The following RAET1G variants were observed in gnomAD, a reference collection of about 807,000 sequenced individuals.
RAET1G encodes UL-16 binding protein 5.
RAET1G carries 25 observed loss-of-function variants against 29.5 expected under a neutral mutation model. That is an observed-to-expected ratio of 0.85 (90% CI 0.62 to 1.18). The LOEUF (loss-of-function observed/expected upper bound fraction) is 1.18. Among genes scored for constraint, RAET1G ranks in the 50% most tolerant of loss-of-function variants. The pLI is 0.00. For synonymous variants in RAET1G, 167 were observed against 159.5 expected (o/e 1.05, Z -0.36); for missense variants, 434 against 423.6 (o/e 1.02, Z -0.22).
chr6:149,919,887 A>T, intron 1 of RAET1G, 71 bp from the exon 2 acceptor site: 4 of 1,611,672 alleles, frequency 2.5e-6, no homozygotes, highest in Non-Finnish European at 3.4e-6. Flanking sequence ...CCACACTGTG[A>T]CAATAAGAGG....
chr6:149,923,018 T>A lies in RAET1G; in HGVS notation c.-8A>T. On this transcript the variant is annotated 5_prime_UTR_variant, in exon 1 of 5. Transcript: ENST00000367360. ...GCTGGCGGCCGCTGCCATTGGGGAG[T>A]TGGATCGCAGGGGACAGCAGAAGCG... is the stretch of plus-strand genomic sequence containing the variant. 2 of 1,592,502 alleles carry A rather than the reference T, an allele frequency of 1.3e-6. No individual in the cohort carries two copies. The highest frequency in any genetic ancestry group is 1.7e-4 in the Middle Eastern group (1 of 6,006).
Position 149,918,392 on chromosome 6 carries a change from G to T in RAET1G, c.632-8C>A. On this transcript the variant is annotated splice_polypyrimidine_tract_variant and splice_region_variant and intron_variant, in intron 3 of 4. Coordinates refer to ENST00000367360, the MANE Select transcript of RAET1G (RefSeq NM_001001788.4). ...AGGACATGGTGGGTGGTGCTGAAAT[G>T]GAAGCACAAGAGTGACAACCCTTGT... 6.2e-7 allele frequency: 1 copy of T among 1,613,780 alleles called. No homozygotes were observed. Among genetic ancestry groups the T allele is most frequent in the South Asian group, 1.1e-5 (1 of 91,070 alleles).
At chr6:149,922,811 GC>G (rs1778624383) in intron 1 of RAET1G, 114 bp downstream of exon 1, 1 of 664,996 alleles carries the variant, frequency 1.5e-6, no homozygotes, top group South Asian at 2.1e-5. Flanking sequence ...GAGCGGGGGC[GC>G]AGTCCGGGGT....
intron 4 of RAET1G, among the ~76,000 whole-genome samples, chr6:149,917,578 A>G (rs955038602): frequency 6.6e-6 from 1 of 152,214 alleles, no homozygotes; most frequent in Non-Finnish European, 1.5e-5. Flanking sequence ...AAAGAGTAAC[A>G]CTACAGACTA....
chr6:149,918,107 T>C (rs564426443), intron 4 of RAET1G, 67 bp downstream of exon 4: 1 of 1,397,508 alleles, frequency 7.2e-7, no homozygotes, highest in Admixed American at 1.9e-5. Context: ...ACTCTGGGAA[T>C]TCTCCATCCC....
chr6:149,918,947 T>C (rs9383944), intron 3 of RAET1G, 96 bp downstream of exon 3: 254,896 of 1,567,724 alleles, frequency 0.16, 27,827 homozygotes, highest in East Asian at 0.55. Flanking sequence ...CATAAACGTG[T>C]ACACTGGGAT....
At chr6:149,922,490 T>C (rs1457165509) in intron 1 of RAET1G, among the ~76,000 whole-genome samples, 4 of 152,076 alleles carry the variant, frequency 2.6e-5, no homozygotes, top group Admixed American at 6.5e-5. Flanking sequence ...GTTTGTGTGG[T>C]TGAGAGCGGG....
rs1778478762 is a variant in RAET1G at position 149,917,683 on chromosome 6, T to C, written c.842+491A>G. The stretch of plus-strand genomic sequence containing the variant: ...ATTTTCTTTATTATACTGGAACAGC[T>C]TGTGCCTTCAGTCTCTTGCCTTGGC... On this transcript the variant is annotated intron_variant, in intron 4 of 4. Transcript: ENST00000367360. Among the ~76,000 whole-genome samples the C allele has an allele frequency of 2.6e-5, 4 of 152,256 alleles. No homozygotes were observed. The South Asian group carries it at 8.3e-4, about 31-fold the overall frequency.
chr6:149,921,574 G>A (rs1778601677), intron 1 of RAET1G, among the ~76,000 whole-genome samples: 1 of 152,192 alleles, frequency 6.6e-6, no homozygotes, highest in Non-Finnish European at 1.5e-5. Context: ...AGCTGCACAA[G>A]CAGTTGGCCC....
At chr6:149,919,923 C>T in intron 1 of RAET1G, 107 bp from the exon 2 acceptor site, 1 of 1,602,486 alleles carries the variant, frequency 6.2e-7, no homozygotes, top group Admixed American at 1.7e-5. Context: ...TGGGCTGGCC[C>T]AGCAAGGAGT....
rs890619860 is a variant in RAET1G, at chr6:149,918,293, T to C, written c.723A>G (p.Ile241Met). 9 of 1,613,520 alleles carry C rather than the reference T, an allele frequency of 5.6e-6. No homozygotes were observed. The highest frequency in any genetic ancestry group is 5.4e-5 in the African/African-American group (4 of 74,732). ...LCCLLIMCLL[I>M]CSRHSLTQSH... ...TTTGGGTCAGACTGTGCCTGGAGCA[T>C]ATGAGGAGACACATGATGAGGAGGC... Residue 241 changes from isoleucine to methionine, a missense_variant, in exon 4 of 5, where the codon ATA (isoleucine) becomes ATG (methionine). By Grantham distance (10) the Ile-to-Met change is conservative. Transcript: ENST00000367360.
rs1266127051 is a variant in RAET1G at position 149,916,957 on chromosome 6, G to A, written c.960C>T (p.Asn320=). The part of the protein sequence containing the change: ...PCPLALYTIN[N]GAARYSEPLQ... ...GTGGCTCCGAATACCTGGCTGCGCC[G>A]TTATTTATTGTATACAAGGCAAGAG... is the stretch of plus-strand genomic sequence containing the variant. Residue 320 remains asparagine, a synonymous_variant, in exon 5 of 5, where the codon AAC becomes AAT. Coordinates refer to ENST00000367360, the MANE Select transcript of RAET1G (RefSeq NM_001001788.4). 1.1e-5 allele frequency: 17 copies of A among 1,546,738 alleles called. No individual in the cohort carries two copies. The highest frequency in any genetic ancestry group is 7.2e-5 in the South Asian group (6 of 83,310).
At chr6:149,920,723 G>A (rs1437829196) in intron 1 of RAET1G, among the ~76,000 whole-genome samples, 1 of 152,142 alleles carries the variant, frequency 6.6e-6, no homozygotes, top group Admixed American at 6.5e-5. Flanking sequence ...TGCAATGATG[G>A]AAATGATTAG....
Position 149,917,050 on chromosome 6 carries a change from C to A in RAET1G, c.867G>T (p.Leu289Phe), listed in dbSNP as rs1778458520. 2 of 1,549,302 alleles carry A rather than the reference C, an allele frequency of 1.3e-6. No homozygotes were observed. The highest frequency in any genetic ancestry group is 3.9e-5 in the Admixed American group (2 of 50,688). Residue 289 changes from leucine (L) to phenylalanine (F), a missense_variant, in exon 5 of 5, where the codon TTG becomes TTT. Leu to Phe is a conservative substitution (Grantham distance 22). Coordinates refer to ENST00000367360, the MANE Select transcript of RAET1G (RefSeq NM_001001788.4). ...TCACGCGAGTCACGTGTCCACCAGA[C>A]AAGGGGCGCTTCGCTATTTGGTAGC... ...SDSYQIAKRP[L>F]SGGHVTRVTL... is the part of the protein sequence containing the mutation.
intron 4 of RAET1G, 66 bp from the exon 5 acceptor site, chr6:149,917,140 A>G: frequency 1.4e-6 from 2 of 1,455,596 alleles, no homozygotes; most frequent in Non-Finnish European, 1.8e-6. Flanking sequence ...GGACTTCAAT[A>G]CTTTCACTAA....
At position 149,916,926 on chromosome 6, in the gene RAET1G, C is replaced by A; in HGVS notation, c.991G>T (p.Val331Phe). 1 of 1,542,108 alleles carries A rather than the reference C, an allele frequency of 6.5e-7. No homozygotes were observed. The highest frequency in any genetic ancestry group is 8.8e-7 in the Non-Finnish European group (1 of 1,142,326). ...GAARYSEPLQ[V>F]SIS ...CCAGGGAACCATCAAGATATGGAGA[C>A]CTGTAGTGGCTCCGAATACCTGGCT... Residue 331 changes from valine (V) to phenylalanine (F), a missense_variant, in exon 5 of 5, where the codon GTC (valine) becomes TTC (phenylalanine). Physicochemically the swap from Val to Phe is conservative, Grantham distance 50. Coordinates refer to ENST00000367360, the MANE Select transcript of RAET1G (RefSeq NM_001001788.4).
intron 1 of RAET1G, 152 bp downstream of exon 1, chr6:149,922,774 G>T: frequency 1.7e-6 from 1 of 572,580 alleles, no homozygotes; most frequent in Non-Finnish European, 3.0e-6. Context: ...GAACGGACCC[G>T]GCGGGAAGGA....
chr6:149,919,899 AGCCTCTG>A, intron 1 of RAET1G, 83 bp from the exon 2 acceptor site: 1 of 1,610,568 alleles, frequency 6.2e-7, no homozygotes, highest in Non-Finnish European at 8.5e-7. Context: ...AATAAGAGGA[AGCCTCTG>A]GAGGGCTGGG....
At chr6:149,920,440 C>T (rs1345468813) in intron 1 of RAET1G, among the ~76,000 whole-genome samples, 1 of 152,028 alleles carries the variant, frequency 6.6e-6, no homozygotes, top group Admixed American at 6.6e-5. Context: ...AGAGAAGTGC[C>T]CAGGCTGGAG....
Sources: allele counts gnomAD v4.1 joint callset (sites outside exome capture counted in the v4.1 genomes callset), GRCh38; gene constraint gnomAD v4.1.1; transcripts MANE v1.5; gene names NCBI Gene and HGNC (gene_info 2026-07-23, HGNC 2026-07-21).